TMEM108: variants seen among roughly 807,000 people sequenced by gnomAD.
TMEM108 encodes cancer/testis antigen 124.
A neutral mutation model predicts 35.1 loss-of-function variants in TMEM108; 12 were observed. The ratio of observed to expected loss-of-function variants is 0.34; its 90% confidence interval spans 0.22 to 0.55. The LOEUF is 0.55. Among genes scored for constraint, TMEM108 ranks in the 20% least tolerant of loss-of-function variants. The probability of loss-of-function intolerance (pLI) is 0.89; values close to 1 mark genes in which losing one functional copy is unlikely to be tolerated. For missense variants in TMEM108, 680 were observed against 753.3 expected (o/e 0.90, Z 1.14); for synonymous variants, 287 against 308.6 (o/e 0.93, Z 0.73).
At chr3:133,265,395 C>G (rs893279582) in intron 3 of TMEM108, among the ~76,000 whole-genome samples, 1 of 152,166 alleles carries the variant, frequency 6.6e-6, no homozygotes, top group African/African-American at 2.4e-5. Flanking sequence ...TGAATGTGAT[C>G]ACTGTAGCCT....
At chr3:133,109,591 A>G (rs943044917) in intron 2 of TMEM108, among the ~76,000 whole-genome samples, 1 of 152,214 alleles carries the variant, frequency 6.6e-6, no homozygotes, top group Non-Finnish European at 1.5e-5. Context: ...AACTTTATGC[A>G]CTGTTATTAG....
At chr3:133,365,129 G>C (rs867215750) in intron 3 of TMEM108, among the ~76,000 whole-genome samples, 5 of 152,300 alleles carry the variant, frequency 3.3e-5, no homozygotes, top group African/African-American at 9.6e-5. Context: ...GTTCAGCTGT[G>C]TGCTATTATC....
intron 2 of TMEM108, among the ~76,000 whole-genome samples, chr3:133,101,862 G>T (rs918670637): frequency 2.8e-4 from 43 of 152,282 alleles, no homozygotes; most frequent in African/African-American, 9.9e-4. Context: ...ACAAGTTCCA[G>T]TTTGGGATTC....
chr3:133,385,798 A>G (rs2073133278), intron 4 of TMEM108, among the ~76,000 whole-genome samples: 1 of 152,248 alleles, frequency 6.6e-6, no homozygotes, highest in Non-Finnish European at 1.5e-5. Context: ...TAGGACTTAC[A>G]CAAGTAACTT....
intron 2 of TMEM108, among the ~76,000 whole-genome samples, chr3:133,110,772 A>G (rs543384500): frequency 2.6e-5 from 4 of 152,340 alleles, no homozygotes; most frequent in South Asian, 2.1e-4. Flanking sequence ...AAATTATGTG[A>G]GCATCAGAAT....
intron 1 of TMEM108, among the ~76,000 whole-genome samples, chr3:133,040,937 C>T (rs1382138842): frequency 1.3e-5 from 2 of 152,184 alleles, no homozygotes; most frequent in Non-Finnish European, 2.9e-5. Context: ...CAGTAGTGTC[C>T]TCTGAGGAGG....
At chr3:133,231,781 A>C (rs568239360) in intron 3 of TMEM108, among the ~76,000 whole-genome samples, 17 of 152,216 alleles carry the variant, frequency 1.1e-4, no homozygotes, top group Non-Finnish European at 2.5e-4. Context: ...GACATTAGCC[A>C]GTTCATAAGT....
chr3:133,137,096 T>TG (rs1221414884), intron 2 of TMEM108, among the ~76,000 whole-genome samples: 1 of 152,180 alleles, frequency 6.6e-6, no homozygotes, highest in African/African-American at 2.4e-5. Context: ...AGACGGTGTT[T>TG]ATCACTAGCA....
intron 2 of TMEM108, chr3:133,074,377 T>C (rs1576304706): frequency 6.6e-6 from 1 of 152,354 alleles, no homozygotes; most frequent in East Asian, 1.9e-4. Context: ...AAAATGTTGA[T>C]AATGTATTTA....
intron 2 of TMEM108, among the ~76,000 whole-genome samples, chr3:133,186,602 G>A (rs773386321): frequency 1.2e-4 from 19 of 152,190 alleles, no homozygotes; most frequent in Non-Finnish European, 2.4e-4. Context: ...AGCATATTGT[G>A]ACATATCTCT....
chr3:133,158,927 C>T (rs1382603289), intron 2 of TMEM108, among the ~76,000 whole-genome samples: 1 of 152,018 alleles, frequency 6.6e-6, no homozygotes. Flanking sequence ...AGAATAACAG[C>T]TCAGGCCATG....
intron 2 of TMEM108, among the ~76,000 whole-genome samples, chr3:133,096,350 G>A (rs926910002): frequency 6.6e-6 from 1 of 152,116 alleles, no homozygotes; most frequent in African/African-American, 2.4e-5. Context: ...TTGTAGAGAT[G>A]GGGTCTTGCC....
At chr3:133,264,706 A>G (rs113775924) in intron 3 of TMEM108, among the ~76,000 whole-genome samples, 1,582 of 152,318 alleles carry the variant, frequency 0.01, 25 homozygotes, top group African/African-American at 0.035. Flanking sequence ...ACATGAGTTC[A>G]TGAATATGCA....
At chr3:133,365,045 A>C (rs1315302722) in intron 3 of TMEM108, among the ~76,000 whole-genome samples, 1 of 152,190 alleles carries the variant, frequency 6.6e-6, no homozygotes, top group Admixed American at 6.5e-5. Context: ...GTCATTGGAT[A>C]CTGGTTTCCC....
At chr3:133,242,458 C>T (rs1946326908) in intron 3 of TMEM108, among the ~76,000 whole-genome samples, 1 of 152,192 alleles carries the variant, frequency 6.6e-6, no homozygotes, top group Admixed American at 6.5e-5. Context: ...GAGAAGGCTA[C>T]AACTGGCAGG....
At chr3:133,149,486 C>T (rs1297238557) in intron 2 of TMEM108, among the ~76,000 whole-genome samples, 1 of 152,118 alleles carries the variant, frequency 6.6e-6, no homozygotes. Flanking sequence ...AAGTTTGTAT[C>T]CTTTGATCCA....
At chr3:133,201,168 T>A (rs1945658360) in intron 2 of TMEM108, among the ~76,000 whole-genome samples, 1 of 152,216 alleles carries the variant, frequency 6.6e-6, no homozygotes, top group Non-Finnish European at 1.5e-5. Context: ...AGTGTCTGTG[T>A]ATATCCACAG....
intron 3 of TMEM108, among the ~76,000 whole-genome samples, chr3:133,305,632 G>C (rs2071023776): frequency 6.6e-6 from 1 of 152,028 alleles, no homozygotes; most frequent in African/African-American, 2.4e-5. Context: ...TTGCAGTGTT[G>C]TGTGGTTTGT....
chr3:133,262,631 TACTA>T (rs1946640549), intron 3 of TMEM108, among the ~76,000 whole-genome samples: 2 of 152,350 alleles, frequency 1.3e-5, no homozygotes, highest in African/African-American at 2.4e-5. Context: ...TCCTAGAGGC[TACTA>T]ACTGTCATTA....
Sources: gnomAD v4.1 joint callset for allele counts (sites outside exome capture counted in the v4.1 genomes callset) on GRCh38, gnomAD v4.1.1 for gene constraint, MANE v1.5 for transcripts, NCBI Gene and HGNC (gene_info 2026-07-23, HGNC 2026-07-21) for gene names.